Variants in MTMR8 observed in about 807,000 individuals in gnomAD.
The protein encoded by MTMR8 is myotubularin related protein 8, also known as phosphatidylinositol-3,5-bisphosphate 3-phosphatase MTMR8.
MTMR8 carries 65 observed loss-of-function variants against 39.3 expected under a neutral mutation model. That is an observed-to-expected ratio of 1.65 (90% CI 1.35 to 2.03). The LOEUF (loss-of-function observed/expected upper bound fraction) is 2.03, where lower values mean the gene tolerates loss of function less well. MTMR8 is among the 30% of genes most tolerant of loss of function. The pLI is 0.00. For missense variants in MTMR8, 777 were observed against 538.9 expected, an observed-to-expected ratio of 1.44 and a Z score of -4.37; for synonymous variants, 245 against 185.2, an observed-to-expected ratio of 1.32 and a Z score of -2.62.
At chrX:64,331,854 T>C in intron 10 of MTMR8, 97 bp from the exon 11 acceptor site, 1 of 762,281 alleles carries the variant, frequency 1.3e-6, no homozygotes, top group South Asian at 2.7e-5. Flanking sequence ...TTGTCTCTGT[T>C]GGTAGTGGCA....
rs911477939 is a variant in MTMR8 at position 64,371,717 on chromosome X, G to A, written c.25-12190C>T. Among the ~76,000 whole-genome samples the A allele has an allele frequency of 2.7e-5, 3 of 111,294 alleles. No individual in the cohort carries two copies. The Admixed American group carries it at 2.9e-4, about 11-fold the overall frequency. On this transcript the variant is annotated intron_variant, in intron 1 of 13. Coordinates refer to ENST00000374852, the MANE Select transcript of MTMR8 (RefSeq NM_017677.4). ...CTCAGAAAATCAAATTTATACACAT[G>A]AGAATATTCCCTGAGATTCTGCCAA...
intron 12 of MTMR8, among the ~76,000 whole-genome samples, chrX:64,302,581 G>C (rs1191176768): frequency 8.9e-6 from 1 of 112,254 alleles, no homozygotes; most frequent in Non-Finnish European, 1.9e-5. Context: ...CGGCCATCTT[G>C]GCTCCTCCCC....
At chrX:64,376,412 G>A (rs763520647) in intron 1 of MTMR8, among the ~76,000 whole-genome samples, 5 of 111,893 alleles carry the variant, frequency 4.5e-5, no homozygotes, top group African/African-American at 1.6e-4. Context: ...ATGGAGATGA[G>A]GAACCTATTG....
chrX:64,311,856 G>C (rs1209914194), intron 12 of MTMR8, among the ~76,000 whole-genome samples: 2 of 104,250 alleles, frequency 1.9e-5, no homozygotes, highest in Non-Finnish European at 3.9e-5. Flanking sequence ...CGGTTCCATT[G>C]GTTTATATAT....
rs1931928205 is a variant in MTMR8, at chrX:64,278,459, G to GTTTTTTTT, written c.1482-7387_1482-7386insAAAAAAAA. On this transcript the variant is annotated intron_variant, in intron 12 of 13. Coordinates refer to ENST00000374852, the MANE Select transcript of MTMR8 (RefSeq NM_017677.4). ...TGATGTTGATGCTATTTATTTTGCTGGTTTTTTTTTTTTTTTTTTTTTTTT... is the reference window on the plus strand; with the variant it reads ...TGATGTTGATGCTATTTATTTTGCTGTTTTTTTTGTTTTTTTTTTTTTTTTTTTTTTTT... Among the ~76,000 whole-genome samples, 50 of 49,853 alleles carry GTTTTTTTT rather than the reference G, an allele frequency of 1.0e-3. 18 individuals carry two copies. The highest frequency in any genetic ancestry group is 5.4e-3 in the African/African-American group (47 of 8,738). 43.3% of individuals were successfully genotyped at this position (49,853 alleles called of 115,157 possible).
At chrX:64,385,830 T>A (rs1029535497) in intron 1 of MTMR8, among the ~76,000 whole-genome samples, 1 of 111,582 alleles carries the variant, frequency 9.0e-6, no homozygotes, top group African/African-American at 3.3e-5. Context: ...GTCTTCAACA[T>A]TGGGGACTAC....
At chrX:64,378,364 G>A (rs1234529633) in intron 1 of MTMR8, among the ~76,000 whole-genome samples, 2 of 111,298 alleles carry the variant, frequency 1.8e-5, no homozygotes, top group African/African-American at 6.5e-5. Flanking sequence ...GGGATTACAG[G>A]CATAAATCAC....
intron 12 of MTMR8, among the ~76,000 whole-genome samples, chrX:64,325,118 A>G (rs1922756426): frequency 8.9e-6 from 1 of 111,755 alleles, no homozygotes; most frequent in African/African-American, 3.3e-5. Flanking sequence ...GAAGAAATAG[A>G]AAATCTGAAC....
intron 12 of MTMR8, among the ~76,000 whole-genome samples, chrX:64,302,948 G>T (rs1194236814): frequency 8.9e-6 from 1 of 112,257 alleles, no homozygotes; most frequent in Non-Finnish European, 1.9e-5. Flanking sequence ...TATGGGTTGT[G>T]CCCTCAGGCC....
rs1286213302 is a variant in MTMR8 at position 64,297,926 on chromosome X, G to C, written c.1482-26853C>G. Among the ~76,000 whole-genome samples the C allele has an allele frequency of 8.1e-5, 8 of 98,523 alleles. No homozygotes were observed. In the East Asian group the frequency reaches 2.0e-3, roughly 24 times the overall value. The allele number at this position is 98,523 out of a possible 115,157, so 85.6% of individuals were successfully genotyped here. A position where few individuals can be genotyped will look rare whatever the true frequency, so the allele number is the denominator to read the frequency against. Reference sequence around the variant, plus strand: ...GCGTTATTTCTGAGGGCTCTGTTCTGTTCCATTGATCTATATCTCTGTTTT... The same window carrying C: ...GCGTTATTTCTGAGGGCTCTGTTCTCTTCCATTGATCTATATCTCTGTTTT... On this transcript the variant is annotated intron_variant, in intron 12 of 13. Coordinates refer to ENST00000374852, the MANE Select transcript of MTMR8 (RefSeq NM_017677.4).
At position 64,300,309 on chromosome X, in the gene MTMR8, G is replaced by GAATT. The variant is rs965003666; in HGVS notation, c.1481+28459_1481+28462dup. 9.8e-5 allele frequency among the ~76,000 whole-genome samples: 11 copies of GAATT among 111,682 alleles called. No homozygotes were observed. The Admixed American group carries it at 1.0e-3, about 11-fold the overall frequency. On this transcript the variant is annotated intron_variant, in intron 12 of 13. Coordinates refer to ENST00000374852, the MANE Select transcript of MTMR8 (RefSeq NM_017677.4). ...TTTAGGATAGTTAGCTCTTCTTGTT[G>GAATT]AATTGATCCCTTTACCATTATGTAA...
chrX:64,379,043 C>G (rs1924343845), intron 1 of MTMR8, among the ~76,000 whole-genome samples: 1 of 111,180 alleles, frequency 9.0e-6, no homozygotes, highest in South Asian at 3.8e-4. Flanking sequence ...TGAAATGGAC[C>G]AATACATCAA....
intron 12 of MTMR8, among the ~76,000 whole-genome samples, chrX:64,292,342 A>T (rs1164291505): frequency 3.6e-5 from 4 of 111,586 alleles, no homozygotes; most frequent in Non-Finnish European, 7.5e-5. Context: ...TAAATCAAGG[A>T]AAGTTACATT....
intron 12 of MTMR8, among the ~76,000 whole-genome samples, chrX:64,294,313 C>T (rs1385964614): frequency 9.0e-6 from 1 of 111,611 alleles, no homozygotes; most frequent in Non-Finnish European, 1.9e-5. Context: ...GAGAGTTAAT[C>T]ACAATTTGCC....
Position 64,281,519 on chromosome X carries a change from C to T in MTMR8, c.1482-10446G>A, listed in dbSNP as rs147157108. Among the ~76,000 whole-genome samples the T allele has an allele frequency of 9.3e-3, 1,034 of 111,663 alleles. 12 individuals are homozygous for T. Among genetic ancestry groups the T allele is most frequent in the Admixed American group, 0.043 (448 of 10,491 alleles). ...CCATTTGCAGAAAACTGAAACTGGACCCCTTCCTTATACCTTATACAAAAA... is the reference window on the plus strand; with the variant it reads ...CCATTTGCAGAAAACTGAAACTGGATCCCTTCCTTATACCTTATACAAAAA... On this transcript the variant is annotated intron_variant, in intron 12 of 13. Coordinates refer to ENST00000374852, the MANE Select transcript of MTMR8 (RefSeq NM_017677.4).
chrX:64,317,946 TTAA>T (rs1231474074), intron 12 of MTMR8, among the ~76,000 whole-genome samples: 1 of 112,187 alleles, frequency 8.9e-6, no homozygotes, highest in East Asian at 2.8e-4. Flanking sequence ...TCAGTCTATG[TTAA>T]TAACACCCTA....
chrX:64,304,860 T>TCATATA (rs1213473988), intron 12 of MTMR8, among the ~76,000 whole-genome samples: 5 of 28,582 alleles, frequency 1.7e-4, no homozygotes, highest in South Asian at 0.011. Context: ...GATCAAACAT[T>TCATATA]TATATATATA....
intron 12 of MTMR8, among the ~76,000 whole-genome samples, chrX:64,297,842 C>G (rs1419311876): frequency 9.1e-6 from 1 of 109,554 alleles, no homozygotes; most frequent in Non-Finnish European, 1.9e-5. Context: ...ATAGGGAATC[C>G]TTTCCCCATT....
chrX:64,313,242 T>A (rs769526930), intron 12 of MTMR8, among the ~76,000 whole-genome samples: 1 of 112,506 alleles, frequency 8.9e-6, no homozygotes, highest in Non-Finnish European at 1.9e-5. Flanking sequence ...TCACCAATTA[T>A]CTTAGCTAGA....
Sources: gnomAD v4.1 joint callset for allele counts (sites outside exome capture counted in the v4.1 genomes callset) on GRCh38, gnomAD v4.1.1 for gene constraint, MANE v1.5 for transcripts, NCBI Gene and HGNC (gene_info 2026-07-23, HGNC 2026-07-21) for gene names.